The following KTN1 variants were observed in gnomAD, a reference collection of about 807,000 sequenced individuals.
KTN1 encodes the protein kinectin 1.
Under a neutral mutation model 222.5 loss-of-function variants are expected in KTN1, and 130 were observed. The observed-to-expected ratio is 0.58, with a 90% CI of 0.51 to 0.68. The LOEUF is 0.68. Ranked by LOEUF, KTN1 falls within the 30% of genes least tolerant of loss-of-function variation. The pLI is 0.00. For synonymous variants in KTN1, 512 were observed against 496.3 expected (o/e 1.03, Z -0.42); for missense variants, 1,508 against 1,500.4 (o/e 1.01, Z -0.08).
intron 27 of KTN1, among the ~76,000 whole-genome samples, chr14:55,653,288 A>G (rs1034160400): frequency 2.0e-5 from 3 of 152,186 alleles, no homozygotes; most frequent in South Asian, 4.1e-4. Flanking sequence ...ACCTGAGCCT[A>G]CAAGCATTTC....
chr14:55,592,181 A>C (rs1259836398), intron 1 of KTN1, among the ~76,000 whole-genome samples: 1 of 152,104 alleles, frequency 6.6e-6, no homozygotes, highest in Non-Finnish European at 1.5e-5. Context: ...ATTCTTCTCT[A>C]CCTCACGGTT....
chr14:55,662,509 T>A (rs1352383685), intron 32 of KTN1, among the ~76,000 whole-genome samples: 2 of 152,150 alleles, frequency 1.3e-5, no homozygotes, highest in African/African-American at 4.8e-5. Context: ...ACTTACTGAA[T>A]AGACAAACAA....
intron 27 of KTN1, among the ~76,000 whole-genome samples, 160 bp downstream of exon 27, chr14:55,653,245 CTG>C (rs1487140701): frequency 6.6e-6 from 1 of 152,110 alleles, no homozygotes; most frequent in South Asian, 2.1e-4. Context: ...GCTTTTATTT[CTG>C]GCAAGTCATA....
At chr14:55,586,027 G>A (rs1372600121) in intron 1 of KTN1, among the ~76,000 whole-genome samples, 1 of 152,188 alleles carries the variant, frequency 6.6e-6, no homozygotes, top group African/African-American at 2.4e-5. Flanking sequence ...GCTGGAAAAT[G>A]TGGGACAATT....
chr14:55,626,000 CAGT>C (rs1159389522), intron 5 of KTN1, among the ~76,000 whole-genome samples: 1 of 152,064 alleles, frequency 6.6e-6, no homozygotes, highest in Non-Finnish European at 1.5e-5. Context: ...CTTTGGCATT[CAGT>C]AATTGTACTA....
chr14:55,679,859 T>A, intron 43 of KTN1, 174 bp downstream of exon 43: 1 of 644,116 alleles, frequency 1.6e-6, no homozygotes, highest in Non-Finnish European at 2.6e-6. Flanking sequence ...TTTGTGCATA[T>A]CTTGAAGGTC....
At position 55,601,545 on chromosome 14, in the gene KTN1, C is replaced by T. The variant is rs17128607; in HGVS notation, c.-30-10474C>T. ...CAATAGGAATTTAGATGAGTTTTTG[C>T]GTTTTGATGGCCGTTTCAGGAAATG... is the stretch of plus-strand genomic sequence containing the variant. On this transcript the variant is annotated intron_variant, in intron 1 of 43. Transcript: ENST00000395314. Among the ~76,000 whole-genome samples, 820 of 152,052 alleles carry T rather than the reference C, an allele frequency of 5.4e-3. 7 individuals carry two copies. The highest frequency in any genetic ancestry group is 0.023 in the South Asian group (110 of 4,800).
chr14:55,672,799 C>A, intron 38 of KTN1, 98 bp downstream of exon 38: 1 of 1,040,260 alleles, frequency 9.6e-7, no homozygotes, highest in Non-Finnish European at 1.5e-6. Context: ...TATAGTTATG[C>A]TCTTAATATC....
At chr14:55,641,563 G>A (rs921933421) in intron 17 of KTN1, 129 bp from the exon 18 acceptor site, 19 of 722,020 alleles carry the variant, frequency 2.6e-5, no homozygotes, top group African/African-American at 2.0e-4. Context: ...TTATGTCAGT[G>A]TATAATTCAC....
At chr14:55,638,788 A>T (rs549808815) in intron 12 of KTN1, among the ~76,000 whole-genome samples, 1 of 151,950 alleles carries the variant, frequency 6.6e-6, no homozygotes, top group Admixed American at 6.6e-5. Flanking sequence ...TAAATAGTAA[A>T]CATGAACATG....
At chr14:55,624,958 G>A (rs947928853) in intron 5 of KTN1, among the ~76,000 whole-genome samples, 1 of 152,206 alleles carries the variant, frequency 6.6e-6, no homozygotes, top group African/African-American at 2.4e-5. Flanking sequence ...GCGAGTGTCC[G>A]CTACGAGTAA....
chr14:55,581,891 C>T (rs1210339596), intron 1 of KTN1, among the ~76,000 whole-genome samples: 1 of 151,116 alleles, frequency 6.6e-6, no homozygotes, highest in African/African-American at 2.4e-5. Context: ...ATAAAAAAGG[C>T]TCTTTTTTTT....
Position 55,672,693 on chromosome 14 carries a change from A to G in KTN1, c.3595A>G (p.Ile1199Val). The G allele has an allele frequency of 1.3e-6, 2 of 1,581,128 alleles. No individual in the cohort carries two copies. The highest frequency in any genetic ancestry group is 8.7e-7 in the Non-Finnish European group (1 of 1,150,804). ...LERLRSENKDIENLRREREHL... is the reference protein window; with the variant it reads ...LERLRSENKDVENLRREREHL... ...GCGATTAAGAAGCGAAAATAAGGATATTGAAAATGTATGTTATTTGATTGT... is the reference window on the plus strand; with the variant it reads ...GCGATTAAGAAGCGAAAATAAGGATGTTGAAAATGTATGTTATTTGATTGT... Residue 1199 changes from isoleucine to valine, a missense_variant, in exon 38 of 44, where the codon ATT becomes GTT. Ile to Val is a conservative substitution (Grantham distance 29). Transcript: ENST00000395314.
chr14:55,649,132 G>A (rs535332433), intron 21 of KTN1, among the ~76,000 whole-genome samples: 1 of 152,172 alleles, frequency 6.6e-6, no homozygotes, highest in African/African-American at 2.4e-5. Context: ...TCGACATGTT[G>A]TCCAGACTGG....
At chr14:55,593,419 A>C (rs914541720) in intron 1 of KTN1, among the ~76,000 whole-genome samples, 4 of 146,540 alleles carry the variant, frequency 2.7e-5, no homozygotes, top group Non-Finnish European at 6.0e-5. Context: ...GAATTTACTA[A>C]TTGATCAGAA....
chr14:55,620,429 C>T (rs191310762), intron 5 of KTN1, among the ~76,000 whole-genome samples: 127 of 152,306 alleles, frequency 8.3e-4, no homozygotes, highest in African/African-American at 2.9e-3. Context: ...ATTTCCCTTC[C>T]TCACTACCCT....
At chr14:55,675,171 G>A (rs2045786525) in intron 40 of KTN1, 1 of 152,160 alleles carries the variant, frequency 6.6e-6, no homozygotes, top group Non-Finnish European at 1.5e-5. Context: ...AAAGTTTTTT[G>A]GGAGCAGTAT....
At chr14:55,650,539 T>C (rs1381926961) in intron 23 of KTN1, 30 bp from the exon 24 acceptor site, 1 of 1,576,592 alleles carries the variant, frequency 6.3e-7, no homozygotes, top group East Asian at 2.2e-5. Flanking sequence ...GTTTCCATTG[T>C]CCAATCTTGT....
rs140325698 is a variant in KTN1, at chr14:55,646,427, CTTCCT to C, written c.2173-533_2173-529del. 2.6e-3 allele frequency among the ~76,000 whole-genome samples: 301 copies of C among 117,068 alleles called. 5 individuals carry two copies. Among genetic ancestry groups the C allele is most frequent in the Middle Eastern group, 0.012 (3 of 244 alleles). 76.8% of individuals were successfully genotyped at this position (117,068 alleles called of 152,430 possible). A position where few individuals can be genotyped will look rare whatever the true frequency, so the allele number is the denominator to read the frequency against. On this transcript the variant is annotated intron_variant, in intron 18 of 43. Transcript: ENST00000395314. ...TTTCTTCCTTTTTTTCCTTTCTTTC[CTTCCT>C]TTCCTTTCCTTTTCCTTTTCCTTTT...
Sources: allele counts gnomAD v4.1 joint callset (sites outside exome capture counted in the v4.1 genomes callset), GRCh38; gene constraint gnomAD v4.1.1; transcripts MANE v1.5; gene names NCBI Gene and HGNC (gene_info 2026-07-23, HGNC 2026-07-21).